The following CBLB variants were observed in gnomAD, a reference collection of about 807,000 sequenced individuals.
CBLB encodes E3 ubiquitin-protein ligase CBL-B.
A neutral mutation model predicts 104.9 loss-of-function variants in CBLB; 31 were observed. The ratio of observed to expected loss-of-function variants is 0.30; its 90% CI spans 0.22 to 0.40. The LOEUF is 0.40. Among genes scored for constraint, CBLB ranks in the 10% least tolerant of loss-of-function variants. CBLB has a pLI of 1.00. For synonymous variants in CBLB, 440 were observed against 422.6 expected, an observed-to-expected ratio of 1.04 and a Z score of -0.51; for missense variants, 1,062 against 1,214.6, an observed-to-expected ratio of 0.87 and a Z score of 1.87.
At chr3:105,832,635 A>G (rs918816470) in intron 3 of CBLB, among the ~76,000 whole-genome samples, 3 of 152,222 alleles carry the variant, frequency 2.0e-5, no homozygotes, top group African/African-American at 7.2e-5. Context: ...CCATCTCCAG[A>G]AAGAAAACAA....
At chr3:105,802,872 T>A (rs1013812169) in intron 3 of CBLB, among the ~76,000 whole-genome samples, 6 of 152,232 alleles carry the variant, frequency 3.9e-5, no homozygotes, top group African/African-American at 1.4e-4. Context: ...TAAATAGTAT[T>A]TTCTTAGAAT....
intron 6 of CBLB, among the ~76,000 whole-genome samples, chr3:105,741,275 G>A (rs1326969060): frequency 1.3e-5 from 2 of 151,956 alleles, no homozygotes; most frequent in Admixed American, 1.3e-4. Context: ...TGCAACCTCC[G>A]CCTCCCAGGT....
At position 105,658,319 on chromosome 3, in the gene CBLB, A is replaced by G. The variant is rs866796284; in HGVS notation, c.*651T>C. On this transcript the variant is annotated 3_prime_UTR_variant, in exon 19 of 19. Transcript: ENST00000394030. Reference sequence around the variant, plus strand: ...CAGTTTATTGACAAATAAATGCTTTATACATTCAGGTTTTTCCCATCTCTC... The same window carrying G: ...CAGTTTATTGACAAATAAATGCTTTGTACATTCAGGTTTTTCCCATCTCTC... 3 of 221,794 alleles carry G rather than the reference A, an allele frequency of 1.4e-5. No individual in the cohort carries two copies. In the Middle Eastern group the frequency reaches 4.3e-3, roughly 320 times the overall value. The allele number at this position is 221,794 out of a possible 1,614,324, so 13.7% of individuals were successfully genotyped here.
At chr3:105,681,155 TAAAG>T in intron 16 of CBLB, 1 of 397,842 alleles carries the variant, frequency 2.5e-6, no homozygotes, top group Non-Finnish European at 4.5e-6. Flanking sequence ...TTATTATACT[TAAAG>T]AAAATCTCAA....
chr3:105,727,637 T>C (rs2073830144), intron 9 of CBLB, among the ~76,000 whole-genome samples: 1 of 152,194 alleles, frequency 6.6e-6, no homozygotes, highest in Non-Finnish European at 1.5e-5. Context: ...TACTGAATGG[T>C]ATTGCCTAGG....
At chr3:105,722,957 T>A (rs763224269) in intron 9 of CBLB, among the ~76,000 whole-genome samples, 1 of 152,310 alleles carries the variant, frequency 6.6e-6, no homozygotes, top group Middle Eastern at 3.4e-3. Context: ...AAAATACATC[T>A]TCTCTTCAGC....
Position 105,817,096 on chromosome 3 carries a change from C to T in CBLB, c.419+36318G>A, listed in dbSNP as rs2085168807. On this transcript the variant is annotated intron_variant, in intron 3 of 18. Transcript: ENST00000394030. ...TGAAGGCATGAAAATGAGAAGAAGA[C>T]AAGTCCGTAGTAGTGAGAAATAAGA... Among the ~76,000 whole-genome samples, 4 of 152,012 alleles carry T rather than the reference C, an allele frequency of 2.6e-5. No homozygotes were observed. The South Asian group carries it at 8.3e-4, about 32-fold the overall frequency.
chr3:105,664,832 C>G (rs1338095716), intron 18 of CBLB, among the ~76,000 whole-genome samples: 1 of 151,974 alleles, frequency 6.6e-6, no homozygotes, highest in East Asian at 1.9e-4. Flanking sequence ...ATTTCTAAAA[C>G]CCTTCATTAT....
intron 1 of CBLB, among the ~76,000 whole-genome samples, chr3:105,867,878 TAAAA>T (rs76716093): frequency 7.1e-6 from 1 of 141,296 alleles, no homozygotes; most frequent in Non-Finnish European, 1.6e-5. Context: ...ACTCAACTCA[TAAAA>T]AAAAAAAAAA....
At chr3:105,860,293 A>G (rs2091986474) in intron 2 of CBLB, among the ~76,000 whole-genome samples, 1 of 152,262 alleles carries the variant, frequency 6.6e-6, no homozygotes, top group Admixed American at 6.5e-5. Flanking sequence ...TACAAATAGC[A>G]TATCCACAAC....
intron 1 of CBLB, 113 bp from the exon 2 acceptor site, chr3:105,867,704 A>C (rs2092507056): frequency 1.2e-6 from 1 of 849,720 alleles, no homozygotes; most frequent in Non-Finnish European, 1.9e-6. Context: ...GATTAGAGCA[A>C]AACCAAAAGT....
intron 17 of CBLB, among the ~76,000 whole-genome samples, chr3:105,677,056 A>G (rs1357475871): frequency 5.3e-5 from 8 of 152,130 alleles, no homozygotes; most frequent in African/African-American, 1.9e-4. Flanking sequence ...CTTTTATGGC[A>G]GTGTGAAAAC....
At chr3:105,703,580 T>A (rs1361275646) in intron 11 of CBLB, among the ~76,000 whole-genome samples, 1 of 147,350 alleles carries the variant, frequency 6.8e-6, no homozygotes, top group Non-Finnish European at 1.5e-5. Context: ...ACAAGGGTGA[T>A]AATTTGTCAT....
At position 105,658,972 on chromosome 3, in the gene CBLB, A is replaced by G; in HGVS notation, c.2947T>C (p.Ter983GlnextTer5). The G allele has an allele frequency of 6.2e-7, 1 of 1,613,670 alleles. No individual in the cohort carries two copies. Among genetic ancestry groups the G allele is most frequent in the Non-Finnish European group, 8.5e-7 (1 of 1,179,748 alleles). ...TTTGGTGTCTACAGTTCTGGCTGCT[A>G]TAGATTTAGACGTGGGGATACTGGA... ...PPPVSPRLNL[*>Q] is the part of the protein sequence containing the mutation. The change falls in exon 19 of 19, where the codon TAG becomes CAG. Residue 983 changes from the stop codon to glutamine, a stop_lost. Transcript: ENST00000394030.
intron 6 of CBLB, among the ~76,000 whole-genome samples, chr3:105,742,952 G>C (rs746768789): frequency 2.6e-5 from 4 of 152,072 alleles, no homozygotes; most frequent in Non-Finnish European, 5.9e-5. Context: ...TTATACAGAA[G>C]GTTCAAGCAA....
Position 105,679,335 on chromosome 3 carries a change from T to TAAA in CBLB, c.2429-765_2429-764insTTT, listed in dbSNP as rs1559790254. Among the ~76,000 whole-genome samples the TAAA allele has an allele frequency of 2.7e-3, 204 of 75,138 alleles. 1 individual carries two copies. The highest frequency in any genetic ancestry group is 0.012 in the Middle Eastern group (1 of 84). The allele number at this position is 75,138 out of a possible 152,430, so 49.3% of individuals were successfully genotyped here. A position where few individuals can be genotyped will look rare whatever the true frequency, so the allele number is the denominator to read the frequency against. On this transcript the variant is annotated intron_variant, in intron 16 of 18. Transcript: ENST00000394030. Reference sequence around the variant, plus strand: ...TCATAGTTTTCATTACCTTGAGTCTTTAAAAAAAAAAAAAAAAAAAAAAAA... The same window carrying TAAA: ...TCATAGTTTTCATTACCTTGAGTCTTAAATAAAAAAAAAAAAAAAAAAAAAAAA...
chr3:105,845,852 T>C (rs1000615233), intron 3 of CBLB, among the ~76,000 whole-genome samples: 1 of 152,142 alleles, frequency 6.6e-6, no homozygotes, highest in Non-Finnish European at 1.5e-5. Context: ...GCTTGAAATA[T>C]GCATAAAAAC....
At chr3:105,743,851 CACATTATAA>C (rs2075856168) in intron 6 of CBLB, among the ~76,000 whole-genome samples, 1 of 151,472 alleles carries the variant, frequency 6.6e-6, no homozygotes, top group African/African-American at 2.4e-5. Context: ...TCATACTTTA[CACATTATAA>C]TTTGTTATAT....
intron 3 of CBLB, 138 bp downstream of exon 3, chr3:105,853,276 C>T (rs367977539): frequency 9.7e-6 from 8 of 824,684 alleles, no homozygotes; most frequent in South Asian, 7.0e-5. Context: ...GTATCCCCAT[C>T]GTTAAGTACC....
Sources: allele counts gnomAD v4.1 joint callset (sites outside exome capture counted in the v4.1 genomes callset), GRCh38; gene constraint gnomAD v4.1.1; transcripts MANE v1.5; gene names NCBI Gene and HGNC (gene_info 2026-07-23, HGNC 2026-07-21).